Variants in BAALC observed in about 807,000 individuals in gnomAD.
BAALC encodes BAALC binder of MAP3K1 and KLF4.
Under a neutral mutation model 15.5 loss-of-function variants are expected in BAALC, and 9 were observed. That is an observed-to-expected ratio of 0.58 (90% CI 0.35 to 1.02). The LOEUF (loss-of-function observed/expected upper bound fraction) is 1.02. Ranked by LOEUF, BAALC falls within the 50% of genes least tolerant of loss-of-function variation. BAALC has a pLI of 0.02. For missense variants in BAALC, 201 were observed against 192.4 expected (o/e 1.04, Z -0.27); for synonymous variants, 80 against 74.6 (o/e 1.07, Z -0.37).
At chr8:103,158,074 C>T (rs1811137878) in intron 1 of BAALC, among the ~76,000 whole-genome samples, 1 of 152,170 alleles carries the variant, frequency 6.6e-6, no homozygotes. Context: ...ATACAAACAA[C>T]ATCTGCATGT....
intron 1 of BAALC, chr8:103,200,828 C>T (rs553678362): frequency 8.4e-6 from 5 of 597,800 alleles, no homozygotes; most frequent in Middle Eastern, 2.5e-4. Context: ...AAGACAGAAC[C>T]GTCATGGCAA....
intron 1 of BAALC, among the ~76,000 whole-genome samples, chr8:103,163,355 A>G (rs894834642): frequency 3.9e-5 from 6 of 152,056 alleles, no homozygotes; most frequent in African/African-American, 1.4e-4. Context: ...GCTCCCCGCC[A>G]TATCTGCTCT....
chr8:103,167,462 T>C (rs376889075), intron 1 of BAALC, among the ~76,000 whole-genome samples: 21 of 152,208 alleles, frequency 1.4e-4, no homozygotes, highest in Non-Finnish European at 2.8e-4. Context: ...TAATGTTAAT[T>C]TAAATTAGCA....
chr8:103,157,016 ACT>A (rs572954826), intron 1 of BAALC: 69 of 152,338 alleles, frequency 4.5e-4, no homozygotes, highest in African/African-American at 1.6e-3. Context: ...TCAAACGCTG[ACT>A]CTTCTTGGGA....
intron 1 of BAALC, among the ~76,000 whole-genome samples, chr8:103,182,222 C>T (rs1257714105): frequency 6.6e-6 from 1 of 152,210 alleles, no homozygotes; most frequent in East Asian, 1.9e-4. Context: ...TCTGAGGCTC[C>T]AGCCAGCTCC....
intron 1 of BAALC, chr8:103,166,064 C>T (rs1354194461): frequency 6.6e-6 from 1 of 152,626 alleles, no homozygotes; most frequent in Non-Finnish European, 1.5e-5. Context: ...ATCATTCAAG[C>T]AGGTTCTCCA....
In BAALC at chr8:103,161,605, AT is replaced by A. The variant is rs538982773; in HGVS notation, c.160+20555del. 1.8e-3 allele frequency among the ~76,000 whole-genome samples: 270 copies of A among 152,076 alleles called. 2 individuals are homozygous for A. Among genetic ancestry groups the A allele is most frequent in the African/African-American group, 6.0e-3 (248 of 41,488 alleles). On this transcript the variant is annotated intron_variant, in intron 1 of 2. Coordinates refer to ENST00000309982, the MANE Select transcript of BAALC (RefSeq NM_024812.3). ...AATAGTCTTGTCCATGTGTCTTTTCATTTTTTTCCAGTGTAGATTTAGGTAG... is the reference window on the plus strand; with the variant it reads ...AATAGTCTTGTCCATGTGTCTTTTCATTTTTTCCAGTGTAGATTTAGGTAG...
At chr8:103,172,638 C>CCCTGCCT (rs1193225818) in intron 1 of BAALC, among the ~76,000 whole-genome samples, 1 of 151,734 alleles carries the variant, frequency 6.6e-6, no homozygotes, top group East Asian at 1.9e-4. Flanking sequence ...CAGGTGGTCC[C>CCCTGCCT]CCTGCCTCAG....
intron 1 of BAALC, chr8:103,200,595 C>T (rs1319986349): frequency 3.4e-5 from 19 of 553,028 alleles, no homozygotes; most frequent in African/African-American, 3.2e-4. Context: ...TTCCTCTGTT[C>T]TGGCTTAGAC....
At chr8:103,185,216 G>T (rs947402122) in intron 1 of BAALC, among the ~76,000 whole-genome samples, 1 of 152,034 alleles carries the variant, frequency 6.6e-6, no homozygotes, top group Non-Finnish European at 1.5e-5. Flanking sequence ...ACTCAATCTA[G>T]ATGGTCTCTG....
chr8:103,170,277 G>A (rs965230267), intron 1 of BAALC, among the ~76,000 whole-genome samples: 1 of 151,354 alleles, frequency 6.6e-6, no homozygotes, highest in Non-Finnish European at 1.5e-5. Context: ...TGTAGAAAAT[G>A]GACTTCATGG....
chr8:103,199,515 G>A (rs930512150), intron 1 of BAALC, among the ~76,000 whole-genome samples: 1 of 151,242 alleles, frequency 6.6e-6, no homozygotes, highest in Non-Finnish European at 1.5e-5. Flanking sequence ...AAGCACCCAA[G>A]GGATACTAGA....
chr8:103,205,555 G>C (rs1287336013), intron 1 of BAALC, among the ~76,000 whole-genome samples: 1 of 152,050 alleles, frequency 6.6e-6, no homozygotes, highest in African/African-American at 2.4e-5. Context: ...TAGATAGATA[G>C]ATCTATATAT....
chr8:103,226,651 T>C (rs72673345), intron 2 of BAALC, among the ~76,000 whole-genome samples: 10,278 of 152,290 alleles, frequency 0.067, 425 homozygotes, highest in Middle Eastern at 0.2. Context: ...ACACATATAC[T>C]TAAAGAACCT....
Position 103,140,800 on chromosome 8 carries a change from C to A in BAALC, c.-98C>A, listed in dbSNP as rs62527606. The stretch of plus-strand genomic sequence containing the variant: ...CGGGAGCGGGGACGCGATGTCGCCG[C>A]CGCCGCCTCCTTGCGGGCCGGGGCT... On this transcript the variant is annotated 5_prime_UTR_variant, in exon 1 of 3. Transcript: ENST00000309982. The surrounding 1 kb of genome is among the most constrained non-coding windows in gnomAD (Gnocchi z 4.2). 0.098 allele frequency: 111,799 copies of A among 1,138,446 alleles called. 6,078 individuals carry two copies. Among genetic ancestry groups the A allele is most frequent in the Non-Finnish European group, 0.11 (99,533 of 903,486 alleles). 70.5% of individuals were successfully genotyped at this position (1,138,446 alleles called of 1,614,324 possible). A position where few individuals can be genotyped will look rare whatever the true frequency, so the allele number is the denominator to read the frequency against.
At chr8:103,200,958 C>T (rs1812202104) in intron 1 of BAALC, among the ~76,000 whole-genome samples, 2 of 151,986 alleles carry the variant, frequency 1.3e-5, no homozygotes, top group Admixed American at 1.3e-4. Context: ...CATTAGAATA[C>T]TTTTTCCCTA....
At chr8:103,191,735 C>G (rs998963958) in intron 1 of BAALC, among the ~76,000 whole-genome samples, 2 of 152,056 alleles carry the variant, frequency 1.3e-5, no homozygotes, top group Non-Finnish European at 2.9e-5. Context: ...ATATCAAGAA[C>G]AGGAATATGA....
At chr8:103,199,655 C>CT (rs142481361) in intron 1 of BAALC, among the ~76,000 whole-genome samples, 11,012 of 146,428 alleles carry the variant, frequency 0.075, 451 homozygotes, top group Middle Eastern at 0.2. Flanking sequence ...TAATTTCTTT[C>CT]TTTTTTTTTT....
At chr8:103,211,636 TTGTAACTGA>T (rs1407176784) in intron 1 of BAALC, among the ~76,000 whole-genome samples, 1 of 152,258 alleles carries the variant, frequency 6.6e-6, no homozygotes, top group African/African-American at 2.4e-5. Flanking sequence ...GTACTGATTT[TTGTAACTGA>T]AGTTTCCTGC....
Sources: gnomAD v4.1 joint callset for allele counts (sites outside exome capture counted in the v4.1 genomes callset) on GRCh38, gnomAD v4.1.1 for gene constraint, Gnocchi (gnomAD v3.1) non-coding constraint, MANE v1.5 for transcripts, NCBI Gene and HGNC (gene_info 2026-07-23, HGNC 2026-07-21) for gene names.